The following DST variants were observed in gnomAD, a reference collection of about 807,000 sequenced individuals.
The protein encoded by DST is dystonin.
Under a neutral mutation model 875.2 loss-of-function variants are expected in DST, and 253 were observed. That is an observed-to-expected ratio of 0.29 (90% CI 0.26 to 0.32). The LOEUF (loss-of-function observed/expected upper bound fraction) is 0.32. Ranked by LOEUF, DST falls within the 10% of genes least tolerant of loss-of-function variation. The pLI, the probability that DST is intolerant of heterozygous loss-of-function variation, is 1.00. For synonymous variants in DST, 3,124 were observed against 3,197.1 expected, an observed-to-expected ratio of 0.98 and a Z score of 0.77; for missense variants, 8,287 against 9,111.6, an observed-to-expected ratio of 0.91 and a Z score of 3.68.
rs954410279 is a variant in DST, at chr6:56,532,475, C to T, written c.16977G>A (p.Thr5659=). 9.3e-6 allele frequency: 15 copies of T among 1,606,550 alleles called. No homozygotes were observed. The highest frequency in any genetic ancestry group is 3.4e-5 in the Admixed American group (2 of 58,840). The change falls in exon 64 of 104, where the codon ACG becomes ACA. Residue 5659 remains threonine, a synonymous_variant. Transcript: ENST00000680361. ...LQRLLDDRKS[T]VEVIKREGEK... is the part of the protein sequence containing the mutation. ...CTCCTTCTCGTTTGATTACCTCCAC[C>T]GTAGATTTTCGGTCATCCAACAATC...
At chr6:56,672,825 C>G (rs1173195518) in intron 9 of DST, among the ~76,000 whole-genome samples, 1 of 152,098 alleles carries the variant, frequency 6.6e-6, no homozygotes, top group South Asian at 2.1e-4. Context: ...AGAAGTAAAA[C>G]CTTGACTTTA....
Position 56,822,709 on chromosome 6 carries a change from A to G in DST, c.625+28688T>C, listed in dbSNP as rs566335826. 3.9e-5 allele frequency among the ~76,000 whole-genome samples: 6 copies of G among 152,234 alleles called. No homozygotes were observed. In the South Asian group the frequency reaches 1.2e-3, roughly 32 times the overall value. On this transcript the variant is annotated intron_variant, in intron 4 of 103. Coordinates refer to ENST00000680361, the MANE Select transcript of DST (RefSeq NM_001374736.1). Reference sequence around the variant, plus strand: ...ATTTCCTGTTACCTGAAGTTGCTATATATGTGCTGACCCTAGCAGTATACC... The same window carrying G: ...ATTTCCTGTTACCTGAAGTTGCTATGTATGTGCTGACCCTAGCAGTATACC...
At chr6:56,904,325 G>C (rs1464449236) in intron 2 of DST, among the ~76,000 whole-genome samples, 1 of 152,116 alleles carries the variant, frequency 6.6e-6, no homozygotes, top group Admixed American at 6.5e-5. Flanking sequence ...CAAACTACCT[G>C]GGTTCAAATA....
At chr6:56,771,173 T>C (rs2099660312) in intron 4 of DST, among the ~76,000 whole-genome samples, 1 of 152,102 alleles carries the variant, frequency 6.6e-6, no homozygotes, top group Non-Finnish European at 1.5e-5. Flanking sequence ...AAACTCTGAT[T>C]ATACAATTAC....
In DST at chr6:56,607,807, G is replaced by A; in HGVS notation, c.6821C>T (p.Ala2274Val). ...ACATTTATTGAAACTACTTGGTGTAGCTGTACATTCATCCTTTTCTCTACC... is the reference window on the plus strand; with the variant it reads ...ACATTTATTGAAACTACTTGGTGTAACTGTACATTCATCCTTTTCTCTACC... ...ASGREKDECT[A>V]TPSSFNKCHC... Residue 2274 changes from alanine to valine, a missense_variant, in exon 40 of 104, where the codon GCT becomes GTT. Around this residue, in one of 10 missense-constraint regions of DST, gnomAD observed 3,138 missense variants for 3,116.6 expected, o/e 1.01. Coordinates refer to ENST00000680361, the MANE Select transcript of DST (RefSeq NM_001374736.1). 2 of 1,613,274 alleles carry A rather than the reference G, an allele frequency of 1.2e-6. No homozygotes were observed. The highest frequency in any genetic ancestry group is 4.5e-5 in the East Asian group (2 of 44,870).
intron 5 of DST, among the ~76,000 whole-genome samples, chr6:56,719,459 G>C (rs2099406598): frequency 6.6e-6 from 1 of 152,182 alleles, no homozygotes; most frequent in Admixed American, 6.5e-5. Context: ...GGTCTAGTTA[G>C]GAAACAGATT....
chr6:56,589,524 C>T (rs1439855384), intron 49 of DST, among the ~76,000 whole-genome samples: 1 of 152,216 alleles, frequency 6.6e-6, no homozygotes, highest in Non-Finnish European at 1.5e-5. Flanking sequence ...ACAGCGAAGT[C>T]TATACACTTC....
intron 16 of DST, 140 bp downstream of exon 16, chr6:56,642,270 A>G: frequency 2.3e-6 from 2 of 863,454 alleles, no homozygotes; most frequent in Non-Finnish European, 3.8e-6. Flanking sequence ...AGCAAACACC[A>G]ATCATAATCT....
intron 67 of DST, among the ~76,000 whole-genome samples, chr6:56,528,615 G>C (rs2096842494): frequency 6.6e-6 from 1 of 152,144 alleles, no homozygotes; most frequent in South Asian, 2.1e-4. Context: ...TTTATGTTAT[G>C]AGTAATACAC....
At chr6:56,615,545 C>G in intron 36 of DST, 1 of 1,614,076 alleles carries the variant, frequency 6.2e-7, no homozygotes, top group Non-Finnish European at 8.5e-7. Context: ...GCTAGAAATT[C>G]CTGTCATCAG....
chr6:56,835,811 A>C (rs9475735), intron 4 of DST, among the ~76,000 whole-genome samples: 3,131 of 152,272 alleles, frequency 0.021, 107 homozygotes, highest in African/African-American at 0.072. Flanking sequence ...TAATATCTTT[A>C]ATACCAGGGT....
chr6:56,599,941 G>A (rs1293653178), intron 45 of DST, 128 bp downstream of exon 45: 26 of 770,394 alleles, frequency 3.4e-5, no homozygotes, highest in African/African-American at 7.1e-5. Flanking sequence ...AGCCCAGGGC[G>A]TCTTGGGTAT....
At chr6:56,743,257 T>C (rs2099554258) in intron 4 of DST, among the ~76,000 whole-genome samples, 1 of 152,040 alleles carries the variant, frequency 6.6e-6, no homozygotes, top group African/African-American at 2.4e-5. Flanking sequence ...ACTGTATACA[T>C]AGTTAATTCC....
chr6:56,859,877 G>C (rs923484005), intron 3 of DST, among the ~76,000 whole-genome samples: 2 of 152,094 alleles, frequency 1.3e-5, no homozygotes, highest in Non-Finnish European at 2.9e-5. Flanking sequence ...TTGATAAGGA[G>C]AGAGAGGCTA....
chr6:56,619,956 T>C (rs2152738652), intron 36 of DST: 5 of 1,614,172 alleles, frequency 3.1e-6, no homozygotes, highest in Non-Finnish European at 4.2e-6. Context: ...TCTTCTGCTT[T>C]CTGCTTGTCA....
At chr6:56,912,647 A>G (rs575992917) in intron 2 of DST, among the ~76,000 whole-genome samples, 145 of 152,354 alleles carry the variant, frequency 9.5e-4, no homozygotes, top group South Asian at 5.8e-3. Context: ...CATGTCACGC[A>G]TAGATCAGCA....
intron 10 of DST, among the ~76,000 whole-genome samples, chr6:56,655,672 A>G (rs1186982731): frequency 6.6e-6 from 1 of 152,128 alleles, no homozygotes; most frequent in Non-Finnish European, 1.5e-5. Context: ...CAGTACAAAA[A>G]CAGAAATATG....
chr6:56,504,213 C>A, intron 77 of DST, 115 bp from the exon 78 acceptor site: 1 of 687,072 alleles, frequency 1.5e-6, no homozygotes. Flanking sequence ...TAGAATTAGA[C>A]TATTTTATAA....
chr6:56,784,507 T>G (rs540558767), intron 4 of DST, among the ~76,000 whole-genome samples: 1 of 152,364 alleles, frequency 6.6e-6, no homozygotes, highest in South Asian at 2.1e-4. Flanking sequence ...TTTCTTCCAG[T>G]TGATCGCATC....
Sources: gnomAD v4.1 joint callset for allele counts (sites outside exome capture counted in the v4.1 genomes callset) on GRCh38, gnomAD v4.1.1 for gene constraint, gnomAD v4.1.1 regional missense constraint, MANE v1.5 for transcripts, NCBI Gene and HGNC (gene_info 2026-07-23, HGNC 2026-07-21) for gene names.